The following KCNMB2 variants were observed in gnomAD, a reference collection of about 807,000 sequenced individuals.
KCNMB2 encodes the protein potassium calcium-activated channel subfamily M regulatory beta subunit 2.
Under a neutral mutation model 24.5 loss-of-function variants are expected in KCNMB2, and 9 were observed. That is an observed-to-expected ratio of 0.37 (90% CI 0.22 to 0.64). The LOEUF is 0.64. Among genes scored for constraint, KCNMB2 ranks in the 30% least tolerant of loss-of-function variants. The probability of loss-of-function intolerance (pLI) is 0.63; values close to 1 mark genes in which losing one functional copy is unlikely to be tolerated. For synonymous variants in KCNMB2, 109 were observed against 104.4 expected (o/e 1.04, Z -0.27); for missense variants, 226 against 284.3 (o/e 0.79, Z 1.47).
chr3:178,671,276 A>G (rs1283082571), intron 1 of KCNMB2, among the ~76,000 whole-genome samples: 3 of 152,158 alleles, frequency 2.0e-5, no homozygotes, highest in East Asian at 1.9e-4. Flanking sequence ...AAAGTTTCCA[A>G]TTCAGGGATA....
At chr3:178,685,472 TG>T (rs1231700644) in intron 1 of KCNMB2, among the ~76,000 whole-genome samples, 3 of 152,238 alleles carry the variant, frequency 2.0e-5, no homozygotes, top group Non-Finnish European at 1.5e-5. Flanking sequence ...TGTTGGCCTG[TG>T]GGTGTTAGTG....
intron 1 of KCNMB2, among the ~76,000 whole-genome samples, chr3:178,688,059 G>T (rs1292829663): frequency 6.6e-6 from 1 of 152,132 alleles, no homozygotes; most frequent in Non-Finnish European, 1.5e-5. Context: ...TAGGTTTGGG[G>T]TGAGAAAAAT....
intron 2 of KCNMB2, chr3:178,820,516 C>A (rs6779867): frequency 0.26 from 39,988 of 153,056 alleles, 7,049 homozygotes; most frequent in African/African-American, 0.51. Flanking sequence ...TATAGGATAG[C>A]TACCAAGGGA....
chr3:178,687,951 A>G (rs746563527), intron 1 of KCNMB2, among the ~76,000 whole-genome samples: 15 of 152,216 alleles, frequency 9.9e-5, no homozygotes, highest in Non-Finnish European at 2.2e-4. Context: ...CCTTCTTACC[A>G]GAAACTTTGG....
At chr3:178,730,355 T>C (rs79313739) in intron 1 of KCNMB2, among the ~76,000 whole-genome samples, 20,584 of 150,330 alleles carry the variant, frequency 0.14, 1,761 homozygotes, top group Non-Finnish European at 0.18. Flanking sequence ...GTTTTAATTT[T>C]TCAAATTTTG....
At chr3:178,635,394 C>T (rs1719482735) in intron 1 of KCNMB2, among the ~76,000 whole-genome samples, 1 of 146,768 alleles carries the variant, frequency 6.8e-6, no homozygotes, top group Non-Finnish European at 1.5e-5. Context: ...ATCCCTTACA[C>T]AGGTGCTTAT....
intron 1 of KCNMB2, among the ~76,000 whole-genome samples, chr3:178,757,303 T>TAC (rs1724106092): frequency 1.7e-5 from 2 of 119,814 alleles, no homozygotes; most frequent in African/African-American, 6.6e-5. Context: ...TATATATATA[T>TAC]ATATCCATCC....
intron 1 of KCNMB2, among the ~76,000 whole-genome samples, chr3:178,613,136 G>A (rs1211732607): frequency 6.6e-6 from 1 of 152,188 alleles, no homozygotes; most frequent in East Asian, 1.9e-4. Context: ...AGTGGCTCAT[G>A]CCTGTAATCC....
intron 1 of KCNMB2, among the ~76,000 whole-genome samples, chr3:178,760,507 CGTGTGT>C (rs34063119): frequency 0.13 from 15,715 of 117,424 alleles, 1,642 homozygotes; most frequent in Non-Finnish European, 0.16. Flanking sequence ...CCAAGAGTTT[CGTGTGT>C]GTGTGTGTGT....
chr3:178,754,595 A>G (rs949464864), intron 1 of KCNMB2, among the ~76,000 whole-genome samples: 16 of 152,184 alleles, frequency 1.1e-4, no homozygotes, highest in African/African-American at 3.6e-4. Context: ...AGGAGGCAGC[A>G]TTTGTGGTGC....
chr3:178,825,461 C>A lies in KCNMB2; in HGVS notation c.57-127C>A, dbSNP rs9824771. On this transcript the variant is annotated intron_variant, in intron 2 of 4. Transcript: ENST00000452583. ...TTGTGTGGGAGGTAGTGGACACACACTGAGGTCCAGCTGCACTGAAGCAGG... is the reference window on the plus strand; with the variant it reads ...TTGTGTGGGAGGTAGTGGACACACAATGAGGTCCAGCTGCACTGAAGCAGG... 7,894 of 657,742 alleles carry A rather than the reference C, an allele frequency of 0.012. 468 individuals carry two copies. The African/African-American group carries it at 0.13, about 11-fold the overall frequency. The allele number at this position is 657,742 out of a possible 1,614,324, so 40.7% of individuals were successfully genotyped here.
At chr3:178,838,802 T>C (rs1400348731) in intron 4 of KCNMB2, among the ~76,000 whole-genome samples, 1 of 152,208 alleles carries the variant, frequency 6.6e-6, no homozygotes, top group Non-Finnish European at 1.5e-5. Flanking sequence ...GTCATGGAGG[T>C]TGTGCATTGC....
chr3:178,622,858 T>G (rs974354369), intron 1 of KCNMB2, among the ~76,000 whole-genome samples: 3 of 152,022 alleles, frequency 2.0e-5, no homozygotes, highest in Non-Finnish European at 2.9e-5. Context: ...GGGACACTGA[T>G]TTTTTTTGGG....
intron 1 of KCNMB2, among the ~76,000 whole-genome samples, chr3:178,589,323 A>G (rs1336628228): frequency 2.0e-5 from 3 of 152,122 alleles, no homozygotes; most frequent in Non-Finnish European, 4.4e-5. Context: ...TCACGTGCAA[A>G]TACCACAGCC....
In KCNMB2 at chr3:178,825,596, A is replaced by G; in HGVS notation, c.65A>G (p.Tyr22Cys). The G allele has an allele frequency of 2.5e-6, 4 of 1,612,520 alleles. No homozygotes were observed. Among genetic ancestry groups the G allele is most frequent in the South Asian group, 1.1e-5 (1 of 90,980 alleles). ...ATTGTTTTTAACCTCAGAAATATTT[A>G]CCAGAAAATCAGGGACCATGACCTC... ...SYRHDEKRNI[Y>C]QKIRDHDLLD... The change falls in exon 3 of 5, where the codon TAC (tyrosine) becomes TGC (cysteine). Residue 22 changes from tyrosine to cysteine, a missense_variant. Physicochemically the swap from Tyr to Cys is radical, Grantham distance 194 (BLOSUM62 -2). Coordinates refer to ENST00000452583, the MANE Select transcript of KCNMB2 (RefSeq NM_181361.3).
At chr3:178,724,449 AG>A (rs1722903942) in intron 1 of KCNMB2, among the ~76,000 whole-genome samples, 1 of 152,084 alleles carries the variant, frequency 6.6e-6, no homozygotes, top group Non-Finnish European at 1.5e-5. Context: ...CCCATTCTCT[AG>A]GTTACCTGCT....
At chr3:178,548,249 T>C (rs1715838421) in intron 1 of KCNMB2, among the ~76,000 whole-genome samples, 1 of 152,218 alleles carries the variant, frequency 6.6e-6, no homozygotes, top group Non-Finnish European at 1.5e-5. Context: ...GGGTAAGGCC[T>C]GGAAATTTAC....
At chr3:178,659,503 G>A (rs1275827845) in intron 1 of KCNMB2, among the ~76,000 whole-genome samples, 1 of 152,164 alleles carries the variant, frequency 6.6e-6, no homozygotes, top group African/African-American at 2.4e-5. Context: ...GAATATCCAT[G>A]ATATATTTTC....
At chr3:178,786,557 T>A (rs1375836830) in intron 1 of KCNMB2, among the ~76,000 whole-genome samples, 1 of 152,108 alleles carries the variant, frequency 6.6e-6, no homozygotes, top group Non-Finnish European at 1.5e-5. Context: ...AGTGGAGGAC[T>A]TTCATTTCGC....
Sources: allele counts gnomAD v4.1 joint callset (sites outside exome capture counted in the v4.1 genomes callset), GRCh38; gene constraint gnomAD v4.1.1; transcripts MANE v1.5; gene names NCBI Gene and HGNC (gene_info 2026-07-23, HGNC 2026-07-21).